The following SDK1 variants were observed in gnomAD, a reference collection of about 807,000 sequenced individuals.
SDK1 encodes protein sidekick-1.
In SDK1, 157 loss-of-function variants were observed where a neutral mutation model predicts 245.5. The observed-to-expected ratio is 0.64, with a 90% CI of 0.56 to 0.73. The LOEUF (loss-of-function observed/expected upper bound fraction) is 0.73. SDK1 is among the 30% of genes least tolerant of loss of function. The pLI is 0.00. For missense variants in SDK1, 3,583 were observed against 3,002.3 expected, an observed-to-expected ratio of 1.19 and a Z score of -4.52; for synonymous variants, 1,647 against 1,278.5, an observed-to-expected ratio of 1.29 and a Z score of -6.15.
At chr7:4,059,665 T>C (rs1169329066) in intron 19 of SDK1, among the ~76,000 whole-genome samples, 2 of 152,196 alleles carry the variant, frequency 1.3e-5, no homozygotes, top group African/African-American at 4.8e-5. Flanking sequence ...ACATGTAACA[T>C]TCTCCAAGAC....
chr7:3,947,308 A>G (rs1400711270), intron 5 of SDK1, among the ~76,000 whole-genome samples: 1 of 152,188 alleles, frequency 6.6e-6, no homozygotes, highest in Non-Finnish European at 1.5e-5. Flanking sequence ...CATATCGTCC[A>G]GGTTAAAAAC....
At chr7:3,529,961 C>T (rs1042684138) in intron 1 of SDK1, among the ~76,000 whole-genome samples, 11 of 152,136 alleles carry the variant, frequency 7.2e-5, no homozygotes, top group Non-Finnish European at 4.4e-5. Flanking sequence ...CAGGCCTGAA[C>T]TCTTACTATT....
chr7:3,895,412 C>T (rs956004978), intron 5 of SDK1, among the ~76,000 whole-genome samples: 18 of 152,242 alleles, frequency 1.2e-4, no homozygotes, highest in Middle Eastern at 3.4e-3. Context: ...ATGTAGTGGA[C>T]GTCTGCTAAG....
intron 5 of SDK1, among the ~76,000 whole-genome samples, chr7:3,946,243 T>A (rs1780573256): frequency 6.6e-6 from 1 of 152,104 alleles, no homozygotes; most frequent in Non-Finnish European, 1.5e-5. Context: ...AGTGGTGTGA[T>A]CATAGCTCAC....
intron 5 of SDK1, among the ~76,000 whole-genome samples, chr7:3,930,652 G>A (rs533949167): frequency 6.6e-6 from 1 of 152,114 alleles, no homozygotes; most frequent in Non-Finnish European, 1.5e-5. Context: ...AATTAGCCAC[G>A]CATGGTGGCA....
intron 32 of SDK1, among the ~76,000 whole-genome samples, chr7:4,162,366 G>GTTGTTGTTGTTA (rs1554248476): frequency 9.2e-6 from 1 of 108,980 alleles, no homozygotes; most frequent in African/African-American, 3.4e-5. Flanking sequence ...GGTTGTTGTT[G>GTTGTTGTTGTTA]TTGTTATTAT....
At chr7:4,193,350 A>C in intron 35 of SDK1, among the ~76,000 whole-genome samples, 1 of 111,518 alleles carries the variant, frequency 9.0e-6, no homozygotes, top group Admixed American at 1.2e-4. Context: ...TTTATATAAT[A>C]TATTTATATA....
intron 43 of SDK1, among the ~76,000 whole-genome samples, chr7:4,242,194 G>C (rs1786568859): frequency 6.6e-6 from 1 of 152,186 alleles, no homozygotes; most frequent in Non-Finnish European, 1.5e-5. Context: ...GGGCTGCCAG[G>C]CTGGCCTTCT....
chr7:4,168,363 G>C (rs542654624), intron 32 of SDK1, among the ~76,000 whole-genome samples: 1 of 152,354 alleles, frequency 6.6e-6, no homozygotes, highest in African/African-American at 2.4e-5. Context: ...TGTCTGTTGG[G>C]CAAGGCGGAT....
chr7:4,133,189 G>A (rs765449670), intron 28 of SDK1, among the ~76,000 whole-genome samples: 35 of 152,192 alleles, frequency 2.3e-4, no homozygotes, highest in Non-Finnish European at 2.9e-4. Context: ...CCCGGGGAAC[G>A]CGTTTACTTC....
chr7:3,779,698 C>A (rs539370448), intron 4 of SDK1, among the ~76,000 whole-genome samples: 19 of 151,440 alleles, frequency 1.3e-4, no homozygotes, highest in African/African-American at 4.1e-4. Flanking sequence ...TTTGGGAGGC[C>A]GAGGCGGGTG....
chr7:3,831,858 G>C (rs1421993551), intron 5 of SDK1, among the ~76,000 whole-genome samples: 1 of 152,044 alleles, frequency 6.6e-6, no homozygotes, highest in Admixed American at 6.6e-5. Context: ...ACCAGTCTGG[G>C]CAACACAGGG....
At chr7:3,652,898 T>C (rs544191793) in intron 4 of SDK1, among the ~76,000 whole-genome samples, 1 of 151,746 alleles carries the variant, frequency 6.6e-6, no homozygotes, top group Non-Finnish European at 1.5e-5. Context: ...AGAGAGGAGG[T>C]GAAGGATGTT....
At chr7:3,977,374 A>G (rs200454870) in intron 13 of SDK1, among the ~76,000 whole-genome samples, 973 of 54,378 alleles carry the variant, frequency 0.018, 30 homozygotes, top group African/African-American at 0.035. Context: ...AGGCTGCCAC[A>G]CAGACGGTCC....
chr7:4,131,074 A>T (rs560739991), intron 27 of SDK1, among the ~76,000 whole-genome samples: 274 of 152,282 alleles, frequency 1.8e-3, no homozygotes, highest in Middle Eastern at 3.4e-3. Flanking sequence ...CTAGAGGGAG[A>T]TCCAGGAGGG....
At position 3,590,470 on chromosome 7, in the gene SDK1, A is replaced by T. The variant is rs554320604; in HGVS notation, c.299-28610A>T. 3.3e-5 allele frequency among the ~76,000 whole-genome samples: 5 copies of T among 152,294 alleles called. No homozygotes were observed. In the East Asian group the frequency reaches 7.7e-4, roughly 24 times the overall value. ...TAATGACAAACTATACCAACAAGTG[A>T]ATTGACGATTTAAGATATTTCATTT... On this transcript the variant is annotated intron_variant, in intron 1 of 44. Coordinates refer to ENST00000404826, the MANE Select transcript of SDK1 (RefSeq NM_152744.4).
At position 3,950,848 on chromosome 7, in the gene SDK1, G is replaced by A. The variant is rs189858489; in HGVS notation, c.848-75G>A. 3.1e-4 allele frequency: 354 copies of A among 1,140,136 alleles called. 1 individual carries two copies. The African/African-American group carries it at 4.8e-3, about 15-fold the overall frequency. 70.6% of individuals were successfully genotyped at this position (1,140,136 alleles called of 1,614,324 possible). On this transcript the variant is annotated intron_variant, in intron 5 of 44. Coordinates refer to ENST00000404826, the MANE Select transcript of SDK1 (RefSeq NM_152744.4). ...TAGGTATCCCCGGGGGTCTTGGAAC[G>A]TGTCCCCTCAGATAACGGCGGGGGG...
chr7:4,008,246 G>A (rs2128147721), intron 14 of SDK1, among the ~76,000 whole-genome samples: 1 of 152,364 alleles, frequency 6.6e-6, no homozygotes, highest in East Asian at 1.9e-4. Flanking sequence ...CTGAATAGTA[G>A]ACATTGTATG....
At chr7:3,567,833 G>A (rs573883514) in intron 1 of SDK1, among the ~76,000 whole-genome samples, 3 of 151,846 alleles carry the variant, frequency 2.0e-5, no homozygotes, top group African/African-American at 7.3e-5. Context: ...TTCTTCTAAG[G>A]CAGGGTCTTG....
Sources: allele counts gnomAD v4.1 joint callset (sites outside exome capture counted in the v4.1 genomes callset), GRCh38; gene constraint gnomAD v4.1.1; transcripts MANE v1.5; gene names NCBI Gene and HGNC (gene_info 2026-07-23, HGNC 2026-07-21).